CHRNA7: variants seen among roughly 807,000 people sequenced by gnomAD.
CHRNA7 encodes the protein cholinergic receptor nicotinic alpha 7 subunit, also known as neuronal acetylcholine receptor subunit alpha-7.
CHRNA7 carries 17 observed loss-of-function variants against 48.0 expected under a neutral mutation model. That is an observed-to-expected ratio of 0.35 (90% CI 0.24 to 0.53). The LOEUF is 0.53. CHRNA7 is among the 20% of genes least tolerant of loss of function. The pLI is 0.92. For missense variants in CHRNA7, 155 were observed against 577.7 expected, an observed-to-expected ratio of 0.27 and a Z score of 7.50; for synonymous variants, 75 against 242.3, an observed-to-expected ratio of 0.31 and a Z score of 6.41.
intron 4 of CHRNA7, among the ~76,000 whole-genome samples, chr15:32,120,962 G>A (rs577833080): frequency 2.0e-5 from 3 of 152,188 alleles, no homozygotes; most frequent in Non-Finnish European, 2.9e-5. Context: ...AGGGTCCGCC[G>A]CCACCCCGCC....
intron 2 of CHRNA7, among the ~76,000 whole-genome samples, chr15:32,034,059 T>G (rs567796621): frequency 1.3e-5 from 2 of 152,328 alleles, no homozygotes; most frequent in South Asian, 4.1e-4. Flanking sequence ...ATGAGCTGGC[T>G]AGGGAGATTA....
At chr15:32,041,909 G>A (rs2049456552) in intron 2 of CHRNA7, among the ~76,000 whole-genome samples, 3 of 152,152 alleles carry the variant, frequency 2.0e-5, no homozygotes, top group Admixed American at 2.0e-4. Context: ...CTTGCATGAT[G>A]TCTGCTTTTT....
chr15:32,123,429 A>G (rs1052618243), intron 4 of CHRNA7, among the ~76,000 whole-genome samples: 1 of 152,250 alleles, frequency 6.6e-6, no homozygotes, highest in African/African-American at 2.4e-5. Flanking sequence ...CTCTAATGCA[A>G]GAACAGAAAA....
At chr15:32,088,146 A>G (rs1488302856) in intron 2 of CHRNA7, among the ~76,000 whole-genome samples, 1 of 152,142 alleles carries the variant, frequency 6.6e-6, no homozygotes, top group Non-Finnish European at 1.5e-5. Flanking sequence ...CAGTCTCTAA[A>G]GTTTTGCCTT....
chr15:32,049,025 G>GTCTGAAAGACAGTTTGTTATATTT (rs1457140245), intron 2 of CHRNA7, among the ~76,000 whole-genome samples: 2 of 102,038 alleles, frequency 2.0e-5, no homozygotes, highest in Non-Finnish European at 3.7e-5. Context: ...TTGCACTGTG[G>GTCTGAAAGACAGTTTGTTATATTT]TCTGTTCTTT....
intron 2 of CHRNA7, 78 bp from the exon 3 acceptor site, chr15:32,101,224 TC>T: frequency 6.8e-7 from 1 of 1,463,104 alleles, no homozygotes; most frequent in Non-Finnish European, 9.4e-7. Flanking sequence ...GACAGTCAGA[TC>T]CCCATGTGAA....
At chr15:32,150,719 C>G (rs2051608123) in intron 4 of CHRNA7, among the ~76,000 whole-genome samples, 1 of 152,056 alleles carries the variant, frequency 6.6e-6, no homozygotes, top group South Asian at 2.1e-4. Flanking sequence ...TTTCCAGAAA[C>G]CTTGAGGCGC....
intron 4 of CHRNA7, among the ~76,000 whole-genome samples, chr15:32,130,324 C>T (rs1240053281): frequency 1.3e-5 from 2 of 151,836 alleles, no homozygotes; most frequent in African/African-American, 4.8e-5. Context: ...TGAAAATTTC[C>T]ATCAGTTCTG....
At chr15:32,147,768 A>G (rs553329809) in intron 4 of CHRNA7, among the ~76,000 whole-genome samples, 12 of 152,264 alleles carry the variant, frequency 7.9e-5, no homozygotes, top group Admixed American at 3.9e-4. Flanking sequence ...CTGATTGCAG[A>G]CCCTCAACAT....
At chr15:32,077,364 A>G (rs1595419822) in intron 2 of CHRNA7, among the ~76,000 whole-genome samples, 1 of 152,294 alleles carries the variant, frequency 6.6e-6, no homozygotes, top group South Asian at 2.1e-4. Context: ...TTTTGTAAGA[A>G]AATCCTAGAC....
chr15:32,143,664 T>TTATA (rs1225190932), intron 4 of CHRNA7, among the ~76,000 whole-genome samples: 28 of 152,316 alleles, frequency 1.8e-4, no homozygotes, highest in Middle Eastern at 3.4e-3. Flanking sequence ...CCCTTTACCA[T>TTATA]TATATAATGG....
At chr15:32,126,421 T>C (rs192754369) in intron 4 of CHRNA7, among the ~76,000 whole-genome samples, 1 of 152,350 alleles carries the variant, frequency 6.6e-6, no homozygotes, top group African/African-American at 2.4e-5. Flanking sequence ...TGTTGAACTC[T>C]GCCTCATTTA....
intron 3 of CHRNA7, among the ~76,000 whole-genome samples, chr15:32,105,794 G>C (rs1207036439): frequency 6.6e-6 from 1 of 152,158 alleles, no homozygotes; most frequent in Non-Finnish European, 1.5e-5. Flanking sequence ...CATAAAGCTG[G>C]GTGATAACAT....
intron 3 of CHRNA7, chr15:32,101,581 G>A (rs1205336986): frequency 2.0e-6 from 1 of 497,726 alleles, no homozygotes; most frequent in East Asian, 3.5e-5. Context: ...CATAGGACAA[G>A]GTAATGTGGG....
At chr15:32,144,782 T>G (rs2051452869) in intron 4 of CHRNA7, among the ~76,000 whole-genome samples, 1 of 152,222 alleles carries the variant, frequency 6.6e-6, no homozygotes, top group South Asian at 2.1e-4. Context: ...ATTTCAGGTC[T>G]TCTCTATACT....
At chr15:32,141,322 T>TAA (rs1242276668) in intron 4 of CHRNA7, among the ~76,000 whole-genome samples, 7 of 152,358 alleles carry the variant, frequency 4.6e-5, no homozygotes, top group Admixed American at 4.6e-4. Flanking sequence ...TTGGTTACTG[T>TAA]AGCCTTGTAG....
At chr15:32,045,396 C>T (rs950278041) in intron 2 of CHRNA7, among the ~76,000 whole-genome samples, 2 of 152,164 alleles carry the variant, frequency 1.3e-5, no homozygotes, top group Admixed American at 1.3e-4. Flanking sequence ...CCAGCAACCA[C>T]ACATAACCTT....
intron 2 of CHRNA7, among the ~76,000 whole-genome samples, chr15:32,089,070 G>A (rs1359130054): frequency 1.3e-5 from 2 of 152,086 alleles, no homozygotes; most frequent in Non-Finnish European, 2.9e-5. Context: ...CTAGGCTTAT[G>A]ATCCATTTTG....
At chr15:32,043,700 A>C (rs1308973789) in intron 2 of CHRNA7, among the ~76,000 whole-genome samples, 1 of 152,160 alleles carries the variant, frequency 6.6e-6, no homozygotes, top group Non-Finnish European at 1.5e-5. Context: ...AATATATTTA[A>C]ACCTTATAAG....
Sources: gnomAD v4.1 joint callset for allele counts (sites outside exome capture counted in the v4.1 genomes callset) on GRCh38, gnomAD v4.1.1 for gene constraint, MANE v1.5 for transcripts, NCBI Gene and HGNC (gene_info 2026-07-23, HGNC 2026-07-21) for gene names.